GRIK2: variants seen among roughly 807,000 people sequenced by gnomAD.
GRIK2 encodes glutamate ionotropic receptor kainate type subunit 2.
In GRIK2, 32 loss-of-function variants were observed where a neutral mutation model predicts 100.3. That is an observed-to-expected ratio of 0.32 (90% confidence interval 0.24 to 0.43). The LOEUF (loss-of-function observed/expected upper bound fraction) is 0.43. GRIK2 is among the 20% of genes least tolerant of loss of function. GRIK2 has a pLI of 1.00. For synonymous variants in GRIK2, 417 were observed against 389.4 expected (o/e 1.07, Z -0.83); for missense variants, 843 against 1,114.9 (o/e 0.76, Z 3.47).
At chr6:101,945,688 G>A (rs2128477200) in intron 14 of GRIK2, among the ~76,000 whole-genome samples, 1 of 152,224 alleles carries the variant, frequency 6.6e-6, no homozygotes, top group African/African-American at 2.4e-5. Context: ...TTTCCTAAGA[G>A]TATTTAAAGG....
At chr6:101,706,543 T>G (rs1046862992) in intron 7 of GRIK2, among the ~76,000 whole-genome samples, 5 of 151,942 alleles carry the variant, frequency 3.3e-5, no homozygotes, top group African/African-American at 1.2e-4. Flanking sequence ...TGAGATTAGA[T>G]GCACAACAGA....
At chr6:101,506,439 G>A (rs1420552903) in intron 2 of GRIK2, among the ~76,000 whole-genome samples, 1 of 151,926 alleles carries the variant, frequency 6.6e-6, no homozygotes, top group East Asian at 1.9e-4. Context: ...TAATTTAAAT[G>A]GTTTTTAAAA....
chr6:101,621,130 A>G (rs995489819), intron 2 of GRIK2, among the ~76,000 whole-genome samples: 10 of 152,180 alleles, frequency 6.6e-5, no homozygotes, highest in African/African-American at 2.4e-4. Flanking sequence ...TCTCGCAAGT[A>G]AGATGCTGAA....
intron 2 of GRIK2, among the ~76,000 whole-genome samples, chr6:101,438,143 C>T (rs1769841306): frequency 6.6e-6 from 1 of 152,018 alleles, no homozygotes; most frequent in Admixed American, 6.6e-5. Flanking sequence ...GTTATATAGA[C>T]ATTAAGTCTC....
chr6:102,060,207 T>C (rs1771677322), intron 16 of GRIK2, among the ~76,000 whole-genome samples: 1 of 150,792 alleles, frequency 6.6e-6, no homozygotes, highest in South Asian at 2.1e-4. Context: ...CCTAAGACAA[T>C]CTCTAAATAA....
At position 101,538,285 on chromosome 6, in the gene GRIK2, T is replaced by C. The variant is rs78885607; in HGVS notation, c.116-83664T>C. On this transcript the variant is annotated intron_variant, in intron 2 of 16. Transcript: ENST00000369134. ...CACACATATAAATTTGACAGTAAAG[T>C]GTAGTTCTGAAAAACTATCCTGATC... Among the ~76,000 whole-genome samples the C allele has an allele frequency of 7.2e-3, 1,099 of 151,838 alleles. 13 individuals are homozygous for C. The highest frequency in any genetic ancestry group is 0.025 in the African/African-American group (1,043 of 41,500).
chr6:101,441,433 T>C (rs1381869420), intron 2 of GRIK2, among the ~76,000 whole-genome samples: 1 of 152,188 alleles, frequency 6.6e-6, no homozygotes, highest in Non-Finnish European at 1.5e-5. Flanking sequence ...TTGTTTTTCA[T>C]GCATATGGTG....
In GRIK2 at chr6:101,626,360, G is replaced by A; in HGVS notation, c.284-20G>A. 2 of 1,600,226 alleles carry A rather than the reference G, an allele frequency of 1.2e-6. No homozygotes were observed. The highest frequency in any genetic ancestry group is 1.1e-5 in the South Asian group (1 of 90,014). ...GGCACCTCTCCTCTCATTATTGACA[G>A]ACCTTTATCTCCTCTTCAGCCTGTG... On this transcript the variant is annotated intron_variant, in intron 3 of 16. Coordinates refer to ENST00000369134, the MANE Select transcript of GRIK2 (RefSeq NM_021956.5).
At chr6:101,862,127 G>A (rs571415977) in intron 11 of GRIK2, among the ~76,000 whole-genome samples, 80 of 152,170 alleles carry the variant, frequency 5.3e-4, no homozygotes, top group Non-Finnish European at 6.5e-4. Flanking sequence ...GTTCAGATGT[G>A]GTTAGATTTT....
chr6:101,607,604 T>C (rs1779494416), intron 2 of GRIK2, among the ~76,000 whole-genome samples: 1 of 151,936 alleles, frequency 6.6e-6, no homozygotes, highest in South Asian at 2.1e-4. Context: ...AGTTAACCTT[T>C]ACAGCAATTT....
intron 4 of GRIK2, among the ~76,000 whole-genome samples, chr6:101,648,122 T>G: frequency 6.6e-6 from 1 of 152,090 alleles, no homozygotes; most frequent in East Asian, 1.9e-4. Flanking sequence ...TTCTAATCAT[T>G]ATTTTTCATT....
At chr6:101,753,738 G>A (rs972536800) in intron 7 of GRIK2, among the ~76,000 whole-genome samples, 1 of 151,990 alleles carries the variant, frequency 6.6e-6, no homozygotes, top group African/African-American at 2.4e-5. Flanking sequence ...ATAATTGATA[G>A]TTTTCCAACA....
chr6:101,485,476 A>T (rs1403983714), intron 2 of GRIK2, among the ~76,000 whole-genome samples: 1 of 152,170 alleles, frequency 6.6e-6, no homozygotes, highest in Admixed American at 6.5e-5. Flanking sequence ...CTACTAAATC[A>T]CTAAGTACAA....
intron 7 of GRIK2, among the ~76,000 whole-genome samples, chr6:101,745,999 G>A (rs990195406): frequency 5.9e-5 from 9 of 152,024 alleles, no homozygotes; most frequent in African/African-American, 1.7e-4. Flanking sequence ...TATATTTCGC[G>A]GAGTCTCATC....
intron 14 of GRIK2, among the ~76,000 whole-genome samples, chr6:101,981,270 A>C (rs1793699620): frequency 6.6e-6 from 1 of 151,936 alleles, no homozygotes; most frequent in African/African-American, 2.4e-5. Context: ...TAACAAAAAT[A>C]TTCTGATATG....
chr6:101,936,970 T>C (rs973336470), intron 14 of GRIK2, among the ~76,000 whole-genome samples: 1 of 152,126 alleles, frequency 6.6e-6, no homozygotes, highest in Non-Finnish European at 1.5e-5. Flanking sequence ...TTAGGAATTA[T>C]AAGAAGTGAT....
intron 9 of GRIK2, among the ~76,000 whole-genome samples, chr6:101,806,930 A>T (rs535002994): frequency 6.6e-6 from 1 of 151,876 alleles, no homozygotes; most frequent in Non-Finnish European, 1.5e-5. Flanking sequence ...AGAGTGCAAG[A>T]CCTACTAGAT....
At chr6:101,476,185 A>G (rs1772217596) in intron 2 of GRIK2, among the ~76,000 whole-genome samples, 1 of 152,104 alleles carries the variant, frequency 6.6e-6, no homozygotes, top group African/African-American at 2.4e-5. Flanking sequence ...AAATGGATTC[A>G]GCTACTGTGT....
intron 2 of GRIK2, among the ~76,000 whole-genome samples, chr6:101,502,014 C>T (rs1480973246): frequency 1.3e-5 from 2 of 152,178 alleles, no homozygotes; most frequent in Non-Finnish European, 2.9e-5. Context: ...GCTGGGATTA[C>T]AGGCAAGAGC....
Sources: allele counts gnomAD v4.1 joint callset (sites outside exome capture counted in the v4.1 genomes callset), GRCh38; gene constraint gnomAD v4.1.1; transcripts MANE v1.5; gene names NCBI Gene and HGNC (gene_info 2026-07-23, HGNC 2026-07-21).